Variants in FHOD3 observed in about 807,000 individuals in gnomAD.
FHOD3 encodes the protein formin homology 2 domain containing 3.
In FHOD3, 90 loss-of-function variants were observed where a neutral mutation model predicts 173.0. The ratio of observed to expected loss-of-function variants is 0.52; its 90% confidence interval spans 0.44 to 0.62. The LOEUF (loss-of-function observed/expected upper bound fraction) is 0.62. FHOD3 is among the 20% of genes least tolerant of loss of function. The probability of loss-of-function intolerance (pLI) is 0.00; values close to 1 mark genes in which losing one functional copy is unlikely to be tolerated. For synonymous variants in FHOD3, 828 were observed against 823.0 expected (o/e 1.01, Z -0.10); for missense variants, 1,945 against 2,034.7 (o/e 0.96, Z 0.85).
intron 16 of FHOD3, among the ~76,000 whole-genome samples, chr18:36,687,497 T>TCATGGAATGCA (rs1681448239): frequency 2.0e-5 from 3 of 152,182 alleles, no homozygotes; most frequent in Non-Finnish European, 1.5e-5. Context: ...AATGCATGCT[T>TCATGGAATGCA]TTATGTCACA....
chr18:36,453,470 A>G lies in FHOD3; in HGVS notation c.338-48462A>G, dbSNP rs541212281. Among the ~76,000 whole-genome samples, 645 of 152,388 alleles carry G rather than the reference A, an allele frequency of 4.2e-3. 2 individuals are homozygous for G. The highest frequency in any genetic ancestry group is 8.3e-3 in the South Asian group (40 of 4,832). On this transcript the variant is annotated intron_variant, in intron 3 of 28. Coordinates refer to ENST00000590592, the MANE Select transcript of FHOD3 (RefSeq NM_001281740.3). ...CCAAATGAAATCTGCCTCTCACTGC[A>G]CATGGCTTTTACAGTGGGCGTATGC...
chr18:36,689,076 TTGG>T (rs1236127355), intron 16 of FHOD3, among the ~76,000 whole-genome samples: 1 of 152,198 alleles, frequency 6.6e-6, no homozygotes, highest in African/African-American at 2.4e-5. Context: ...GCATTTTCCT[TTGG>T]TTTGGCTCAG....
At chr18:36,446,786 T>A (rs1240923611) in intron 3 of FHOD3, among the ~76,000 whole-genome samples, 1 of 152,126 alleles carries the variant, frequency 6.6e-6, no homozygotes, top group Admixed American at 6.5e-5. Context: ...TAATAGTTGT[T>A]AAATGTACGC....
At chr18:36,692,835 C>A in intron 16 of FHOD3, 1 of 230,174 alleles carries the variant, frequency 4.3e-6, no homozygotes, top group Admixed American at 5.2e-5. Context: ...CATTTCACAG[C>A]TGTGAGCTCC....
At chr18:36,466,440 G>C (rs916407198) in intron 3 of FHOD3, among the ~76,000 whole-genome samples, 1 of 152,148 alleles carries the variant, frequency 6.6e-6, no homozygotes, top group African/African-American at 2.4e-5. Context: ...GCTTTTAAAG[G>C]CAGGGGTATA....
At chr18:36,777,198 CTTT>C (rs11294880) in intron 28 of FHOD3, among the ~76,000 whole-genome samples, 1 of 108,876 alleles carries the variant, frequency 9.2e-6, no homozygotes, top group Non-Finnish European at 1.8e-5. Flanking sequence ...TCTTCTTTTT[CTTT>C]TTTTTTTTTT....
chr18:36,390,302 G>T (rs1250445326), intron 3 of FHOD3, among the ~76,000 whole-genome samples: 1 of 152,176 alleles, frequency 6.6e-6, no homozygotes, highest in Non-Finnish European at 1.5e-5. Context: ...GCTTGGAGGA[G>T]CATGGCTGTG....
intron 5 of FHOD3, among the ~76,000 whole-genome samples, chr18:36,564,672 A>G (rs1385877992): frequency 6.6e-6 from 1 of 152,190 alleles, no homozygotes; most frequent in Non-Finnish European, 1.5e-5. Flanking sequence ...AAGGTCTATC[A>G]GAAAGAAGCA....
At chr18:36,348,355 AGTGGGGC>A (rs2045962688) in intron 1 of FHOD3, among the ~76,000 whole-genome samples, 1 of 152,142 alleles carries the variant, frequency 6.6e-6, no homozygotes, top group Admixed American at 6.6e-5. Flanking sequence ...ATGTGCCTGA[AGTGGGGC>A]ACTCAGGGGA....
At chr18:36,681,117 T>A (rs1249065895) in intron 14 of FHOD3, among the ~76,000 whole-genome samples, 1 of 152,128 alleles carries the variant, frequency 6.6e-6, no homozygotes, top group Non-Finnish European at 1.5e-5. Flanking sequence ...AACTGTAAAA[T>A]ATATATAGAA....
intron 3 of FHOD3, among the ~76,000 whole-genome samples, chr18:36,375,348 C>T (rs991510358): frequency 3.9e-5 from 6 of 152,188 alleles, no homozygotes; most frequent in Non-Finnish European, 7.3e-5. Context: ...ATGCTACAGG[C>T]TTGGGGCACA....
intron 1 of FHOD3, among the ~76,000 whole-genome samples, chr18:36,345,461 CAG>C (rs2045836071): frequency 6.6e-6 from 1 of 152,124 alleles, no homozygotes; most frequent in African/African-American, 2.4e-5. Context: ...TTTATTGAGA[CAG>C]TGTCTCTCTC....
chr18:36,738,211 C>A (rs763898826), intron 20 of FHOD3, among the ~76,000 whole-genome samples: 21 of 152,216 alleles, frequency 1.4e-4, no homozygotes, highest in Non-Finnish European at 2.9e-4. Flanking sequence ...GAATCTACTA[C>A]AATTTATATA....
intron 5 of FHOD3, among the ~76,000 whole-genome samples, chr18:36,519,285 C>A (rs2146522953): frequency 6.6e-6 from 1 of 152,318 alleles, no homozygotes; most frequent in South Asian, 2.1e-4. Context: ...TGCTTTTCTG[C>A]CTGACTTTCT....
At chr18:36,566,649 G>A (rs552155558) in intron 5 of FHOD3, among the ~76,000 whole-genome samples, 15 of 152,164 alleles carry the variant, frequency 9.9e-5, no homozygotes, top group Non-Finnish European at 1.9e-4. Context: ...ATTTGAAAAG[G>A]AGTGGGCATC....
intron 7 of FHOD3, among the ~76,000 whole-genome samples, chr18:36,597,240 C>G (rs1431974539): frequency 6.6e-6 from 1 of 152,126 alleles, no homozygotes; most frequent in Admixed American, 6.5e-5. Context: ...TGAAATGAAC[C>G]CAGGCCTTTG....
chr18:36,474,248 A>G (rs1396123069), intron 3 of FHOD3, among the ~76,000 whole-genome samples: 1 of 152,118 alleles, frequency 6.6e-6, no homozygotes, highest in African/African-American at 2.4e-5. Context: ...CTTTTATTTT[A>G]CTGACTCCTC....
Position 36,371,319 on chromosome 18 carries a change from A to T in FHOD3, c.273-1361A>T, listed in dbSNP as rs527951515. Among the ~76,000 whole-genome samples the T allele has an allele frequency of 1.2e-3, 176 of 152,352 alleles. 1 individual carries two copies. The highest frequency in any genetic ancestry group is 4.2e-3 in the African/African-American group (173 of 41,580). On this transcript the variant is annotated intron_variant, in intron 2 of 28. Coordinates refer to ENST00000590592, the MANE Select transcript of FHOD3 (RefSeq NM_001281740.3). ...TATACTCGAGACTGGGTAATTTATA[A>T]AGAAAAAGAAGTTTAATGGACTCAC... is the stretch of plus-strand genomic sequence containing the variant.
chr18:36,717,599 C>T (rs1054063693), intron 18 of FHOD3, among the ~76,000 whole-genome samples: 4 of 152,078 alleles, frequency 2.6e-5, no homozygotes, highest in Admixed American at 2.6e-4. Flanking sequence ...CAGGTAGGAG[C>T]CAGGAGCAGC....
Sources: allele counts gnomAD v4.1 joint callset (sites outside exome capture counted in the v4.1 genomes callset), GRCh38; gene constraint gnomAD v4.1.1; transcripts MANE v1.5; gene names NCBI Gene and HGNC (gene_info 2026-07-23, HGNC 2026-07-21).